OPRM1: variants seen among roughly 807,000 people sequenced by gnomAD.
OPRM1 encodes the protein opioid receptor mu 1, also known as mu-type opioid receptor.
In OPRM1, 27 loss-of-function variants were observed where a neutral mutation model predicts 31.8. The observed-to-expected ratio is 0.85, with a 90% CI of 0.63 to 1.17. The LOEUF (loss-of-function observed/expected upper bound fraction) is 1.17. Ranked by LOEUF, OPRM1 falls within the 50% of genes most tolerant of loss-of-function variation. OPRM1 has a pLI of 0.00. For synonymous variants in OPRM1, 196 were observed against 189.9 expected, an observed-to-expected ratio of 1.03 and a Z score of -0.26; for missense variants, 536 against 511.1, an observed-to-expected ratio of 1.05 and a Z score of -0.47.
chr6:154,234,482 G>A (rs1562557731), intron 3 of OPRM1, among the ~76,000 whole-genome samples: 2 of 152,168 alleles, frequency 1.3e-5, no homozygotes, highest in Admixed American at 6.5e-5. Context: ...CCTAAACCAG[G>A]ATGCTATTCC....
At chr6:154,165,498 C>A (rs1349699793) in intron 3 of OPRM1, among the ~76,000 whole-genome samples, 1 of 152,178 alleles carries the variant, frequency 6.6e-6, no homozygotes. Context: ...GTCCTCCTAC[C>A]TCCTGAGATT....
chr6:154,205,438 T>C (rs1017554651), intron 3 of OPRM1, among the ~76,000 whole-genome samples: 5 of 152,010 alleles, frequency 3.3e-5, no homozygotes, highest in Non-Finnish European at 7.4e-5. Flanking sequence ...CTACTAAAAA[T>C]ACAAAAATTA....
At chr6:154,075,722 C>T (rs571715443) in intron 1 of OPRM1, among the ~76,000 whole-genome samples, 6 of 152,216 alleles carry the variant, frequency 3.9e-5, no homozygotes, top group South Asian at 2.1e-4. Flanking sequence ...ATAAGCATTT[C>T]GAGTGCTCCT....
intron 3 of OPRM1, among the ~76,000 whole-genome samples, chr6:154,228,431 A>C (rs1054697702): frequency 2.6e-5 from 4 of 152,192 alleles, no homozygotes; most frequent in African/African-American, 9.6e-5. Context: ...CCATTGTACA[A>C]ACTTCTCTTT....
chr6:154,194,074 T>C (rs763268848), intron 3 of OPRM1, among the ~76,000 whole-genome samples: 3 of 152,198 alleles, frequency 2.0e-5, no homozygotes, highest in Non-Finnish European at 4.4e-5. Flanking sequence ...CCAGGGCAGA[T>C]CACTGTTAAT....
intron 3 of OPRM1, among the ~76,000 whole-genome samples, chr6:154,107,287 C>T (rs1025205825): frequency 7.9e-5 from 12 of 152,220 alleles, no homozygotes; most frequent in Non-Finnish European, 1.8e-4. Flanking sequence ...CCATAGCACT[C>T]TTTAATAAAG....
intron 3 of OPRM1, among the ~76,000 whole-genome samples, chr6:154,153,661 C>T (rs202068258): frequency 2.1e-5 from 3 of 145,656 alleles, no homozygotes; most frequent in African/African-American, 5.1e-5. Flanking sequence ...CTCCAGCCTG[C>T]GCGACAGAGT....
At chr6:154,180,414 A>ATATATATATATTT (rs1241250621) in intron 3 of OPRM1, among the ~76,000 whole-genome samples, 3 of 65,268 alleles carry the variant, frequency 4.6e-5, no homozygotes, top group African/African-American at 1.4e-4. Context: ...ATATATATAT[A>ATATATATATATTT]TTTTTTTTTT....
intron 1 of OPRM1, chr6:154,046,907 G>A (rs1489421736): frequency 6.6e-6 from 1 of 152,162 alleles, no homozygotes; most frequent in Non-Finnish European, 1.5e-5. Flanking sequence ...GTTTTTCCCA[G>A]CAATACAATC....
chr6:154,071,453 C>A (rs1431752917), intron 1 of OPRM1, among the ~76,000 whole-genome samples: 1 of 152,134 alleles, frequency 6.6e-6, no homozygotes, highest in Non-Finnish European at 1.5e-5. Flanking sequence ...TGATTTTTGT[C>A]AGCTTGCTCA....
At chr6:154,108,187 C>T in intron 3 of OPRM1, 1 of 464,572 alleles carries the variant, frequency 2.2e-6, no homozygotes, top group Non-Finnish European at 3.9e-6. Flanking sequence ...CTGGCCAGAG[C>T]AAAACACATG....
At chr6:154,079,454 C>A (rs185271976) in intron 1 of OPRM1, among the ~76,000 whole-genome samples, 1 of 152,162 alleles carries the variant, frequency 6.6e-6, no homozygotes, top group South Asian at 2.1e-4. Context: ...GATAATCAGG[C>A]TCAGTCCAGG....
At chr6:154,154,403 G>A (rs1798629963) in intron 3 of OPRM1, 1 of 152,098 alleles carries the variant, frequency 6.6e-6, no homozygotes, top group South Asian at 2.1e-4. Context: ...GTGGTCCAAT[G>A]GCAATTTTTG....
chr6:154,167,583 C>T (rs970404647), intron 3 of OPRM1, among the ~76,000 whole-genome samples: 3 of 152,170 alleles, frequency 2.0e-5, no homozygotes, highest in Non-Finnish European at 4.4e-5. Flanking sequence ...TGTCTCTCAT[C>T]AACATTTATT....
rs534987246 is a variant in OPRM1, at chr6:154,246,054, A to C, written c.1165-639A>C. Among the ~76,000 whole-genome samples, 7 of 152,332 alleles carry C rather than the reference A, an allele frequency of 4.6e-5. No individual in the cohort carries two copies. The South Asian group carries it at 1.5e-3, about 32-fold the overall frequency. On this transcript the variant is annotated intron_variant, in intron 3 of 3. Coordinates refer to the OPRM1 transcript ENST00000337049. ...CAGGGGACAAGAGGTGACAGTCGCCAATGCAAAGCTGGCATAGGGGTTAGC... is the reference window on the plus strand; with the variant it reads ...CAGGGGACAAGAGGTGACAGTCGCCCATGCAAAGCTGGCATAGGGGTTAGC...
At chr6:154,228,231 C>A (rs557117968) in intron 3 of OPRM1, among the ~76,000 whole-genome samples, 1 of 151,792 alleles carries the variant, frequency 6.6e-6, no homozygotes, top group Non-Finnish European at 1.5e-5. Flanking sequence ...TTTGGGAGGC[C>A]GAGGCAGAAA....
chr6:154,219,092 A>G (rs1355816235), intron 3 of OPRM1: 1 of 152,232 alleles, frequency 6.6e-6, no homozygotes, highest in Non-Finnish European at 1.5e-5. Context: ...TGGAAGATAA[A>G]TAAACTGGAA....
intron 1 of OPRM1, chr6:154,083,719 G>A (rs919778450): frequency 2.0e-5 from 3 of 152,448 alleles, no homozygotes; most frequent in African/African-American, 7.2e-5. Flanking sequence ...AAGGTGGGTG[G>A]ATCACGAGGT....
intron 3 of OPRM1, chr6:154,094,269 G>A (rs1434855587): frequency 4.8e-6 from 6 of 1,261,680 alleles, no homozygotes; most frequent in Non-Finnish European, 6.2e-6. Context: ...TGTCCACTGA[G>A]GCAATTTCCA....
Sources: allele counts gnomAD v4.1 joint callset (sites outside exome capture counted in the v4.1 genomes callset), GRCh38; gene constraint gnomAD v4.1.1; transcripts MANE v1.5; gene names NCBI Gene and HGNC (gene_info 2026-07-23, HGNC 2026-07-21).